The following AACS variants were observed in gnomAD, a reference collection of about 807,000 sequenced individuals.
AACS encodes acetoacetyl-CoA synthetase.
In AACS, 69 loss-of-function variants were observed where a neutral mutation model predicts 83.1. That is an observed-to-expected ratio of 0.83 (90% CI 0.68 to 1.01). The LOEUF (loss-of-function observed/expected upper bound fraction) is 1.01. AACS is among the 50% of genes least tolerant of loss of function. AACS has a pLI of 0.00. For synonymous variants in AACS, 333 were observed against 343.4 expected (o/e 0.97, Z 0.33); for missense variants, 866 against 882.2 (o/e 0.98, Z 0.23).
chr12:125,066,520 G>C (rs1007093800), intron 1 of AACS, among the ~76,000 whole-genome samples: 4 of 149,480 alleles, frequency 2.7e-5, no homozygotes, highest in African/African-American at 9.9e-5. Context: ...CGAGATCTCG[G>C]CACACTGCAA....
At chr12:125,071,844 CT>C (rs968179429) in intron 1 of AACS, among the ~76,000 whole-genome samples, 6 of 151,850 alleles carry the variant, frequency 4.0e-5, no homozygotes, top group African/African-American at 1.5e-4. Context: ...GGCGAATGCA[CT>C]TTTGTGATAC....
At chr12:125,121,003 G>C (rs1258088280) in intron 10 of AACS, 1 of 152,336 alleles carries the variant, frequency 6.6e-6, no homozygotes, top group African/African-American at 2.4e-5. Flanking sequence ...GCATGTACCT[G>C]TGTACACGCG....
intron 10 of AACS, among the ~76,000 whole-genome samples, chr12:125,119,491 C>T (rs1957116839): frequency 6.6e-6 from 1 of 152,192 alleles, no homozygotes; most frequent in Non-Finnish European, 1.5e-5. Flanking sequence ...CAGAGTTTCA[C>T]ATGACTGGGG....
intron 9 of AACS, among the ~76,000 whole-genome samples, chr12:125,115,849 G>T (rs887282721): frequency 6.6e-6 from 1 of 152,030 alleles, no homozygotes; most frequent in Non-Finnish European, 1.5e-5. Context: ...AGACCCCTGG[G>T]ATTACACAGA....
At chr12:125,085,111 G>A (rs574547373) in intron 3 of AACS, among the ~76,000 whole-genome samples, 3 of 152,220 alleles carry the variant, frequency 2.0e-5, no homozygotes, top group African/African-American at 4.8e-5. Flanking sequence ...GACTATAAAG[G>A]GGCAACAGGA....
chr12:125,129,341 C>A lies in AACS; in HGVS notation c.1430C>A (p.Ala477Glu), dbSNP rs757502578. ...AVEAWNEEGK[A>E]VWGESGELVC... ...TTTAATTCTCCCATACCAGGAAAGG[C>A]GGTCTGGGGAGAGAGCGGCGAGCTG... The change falls in exon 14 of 18, where the codon GCG becomes GAG. Residue 477 changes from alanine to glutamate, a missense_variant. Ala to Glu is a moderately radical substitution (Grantham distance 107, BLOSUM62 -1). Coordinates refer to ENST00000316519, the MANE Select transcript of AACS (RefSeq NM_023928.5). This position sits in a 1 kb window ranked among gnomAD's most constrained non-coding sequence, Gnocchi z 4.3. 1 of 1,611,676 alleles carries A rather than the reference C, an allele frequency of 6.2e-7. No homozygotes were observed. Among genetic ancestry groups the A allele is most frequent in the Admixed American group, 1.7e-5 (1 of 59,562 alleles).
At chr12:125,136,904 G>A (rs780430970) in intron 17 of AACS, 40 bp downstream of exon 17, 18 of 1,597,140 alleles carry the variant, frequency 1.1e-5, no homozygotes, top group Admixed American at 1.0e-4. Context: ...CGCAGCCATC[G>A]CCCCACGAGC....
intron 1 of AACS, among the ~76,000 whole-genome samples, chr12:125,073,476 T>C (rs922630361): frequency 2.6e-5 from 4 of 152,202 alleles, no homozygotes; most frequent in African/African-American, 9.6e-5. Flanking sequence ...ACTTTCTACA[T>C]GTGCTCATTT....
intron 3 of AACS, among the ~76,000 whole-genome samples, chr12:125,084,885 G>A (rs1039040398): frequency 3.3e-5 from 5 of 152,008 alleles, no homozygotes; most frequent in Non-Finnish European, 7.4e-5. Context: ...CCTAGCCTTA[G>A]TTTTAACATT....
intron 9 of AACS, among the ~76,000 whole-genome samples, chr12:125,114,960 G>A (rs913527452): frequency 2.6e-5 from 4 of 152,044 alleles, no homozygotes; most frequent in Non-Finnish European, 4.4e-5. Flanking sequence ...GTGCTGCGCC[G>A]TGGTAGGGGC....
Position 125,139,456 on chromosome 12 carries a change from A to G in AACS, c.1881+2592A>G, listed in dbSNP as rs75275871. The G allele has an allele frequency of 8.3e-3, 1,264 of 152,476 alleles. 21 individuals carry two copies. The highest frequency in any genetic ancestry group is 0.029 in the African/African-American group (1,190 of 41,582). 9.4% of individuals were successfully genotyped at this position (152,476 alleles called of 1,614,324 possible). On this transcript the variant is annotated intron_variant, in intron 17 of 17. Coordinates refer to ENST00000316519, the MANE Select transcript of AACS (RefSeq NM_023928.5). The stretch of plus-strand genomic sequence containing the variant: ...CCTGAGGCATGACTTTGGGCAACGC[A>G]GCATCCAAGCCTCAGTTTCCCCATC...
At chr12:125,085,989 C>A (rs531353185) in intron 3 of AACS, among the ~76,000 whole-genome samples, 4 of 152,068 alleles carry the variant, frequency 2.6e-5, no homozygotes, top group Non-Finnish European at 5.9e-5. Flanking sequence ...GGAGGTCTCA[C>A]TCTGTTGTCA....
At chr12:125,080,171 C>G (rs144150938) in intron 3 of AACS, among the ~76,000 whole-genome samples, 2 of 152,156 alleles carry the variant, frequency 1.3e-5, no homozygotes, top group African/African-American at 4.8e-5. Context: ...CCAACCCAGT[C>G]GCCTCTTTCG....
chr12:125,133,434 G>A (rs112756628), intron 14 of AACS, among the ~76,000 whole-genome samples: 5 of 152,124 alleles, frequency 3.3e-5, no homozygotes, highest in Admixed American at 3.3e-4. Flanking sequence ...GTCATCCCTG[G>A]CTCTTTCCTC....
At position 125,097,296 on chromosome 12, in the gene AACS, G is replaced by T. The variant is rs941443083; in HGVS notation, c.571-5383G>T. Among the ~76,000 whole-genome samples, 1 of 152,114 alleles carries T rather than the reference G, an allele frequency of 6.6e-6. No individual in the cohort carries two copies. Among genetic ancestry groups the T allele is most frequent in the Non-Finnish European group, 1.5e-5 (1 of 68,008 alleles). ...CGTCACTGAGGAAGGGGTACCGGGGGTACCCTTGAAATGGAGGAGGGAGGA... is the reference window on the plus strand; with the variant it reads ...CGTCACTGAGGAAGGGGTACCGGGGTTACCCTTGAAATGGAGGAGGGAGGA... On this transcript the variant is annotated intron_variant, in intron 5 of 17. Coordinates refer to ENST00000316519, the MANE Select transcript of AACS (RefSeq NM_023928.5). This position sits in a 1 kb window ranked among gnomAD's most constrained non-coding sequence, Gnocchi z 4.3.
chr12:125,072,182 C>G (rs1172359124), intron 1 of AACS, among the ~76,000 whole-genome samples: 23 of 140,330 alleles, frequency 1.6e-4, no homozygotes, highest in Admixed American at 5.1e-4. Context: ...TAAATGGGGT[C>G]TCACTCTGTC....
chr12:125,119,186 A>T (rs1408873139), intron 10 of AACS, among the ~76,000 whole-genome samples: 6 of 152,204 alleles, frequency 3.9e-5, no homozygotes, highest in Non-Finnish European at 8.8e-5. Context: ...CTCCTCACAC[A>T]GTTACCTGTT....
intron 11 of AACS, 48 bp from the exon 12 acceptor site, chr12:125,124,854 T>C: frequency 6.2e-7 from 1 of 1,614,040 alleles, no homozygotes; most frequent in South Asian, 1.1e-5. Flanking sequence ...CGAGTGAGGC[T>C]TCAGGCACTG....
chr12:125,111,151 G>T (rs978202363), intron 8 of AACS, among the ~76,000 whole-genome samples: 2 of 152,256 alleles, frequency 1.3e-5, no homozygotes, highest in East Asian at 1.9e-4. Context: ...CGCTCAAATC[G>T]TCTGATTTTA....
Sources: allele counts gnomAD v4.1 joint callset (sites outside exome capture counted in the v4.1 genomes callset), GRCh38; gene constraint gnomAD v4.1.1; non-coding constraint Gnocchi (gnomAD v3.1); transcripts MANE v1.5; gene names NCBI Gene and HGNC (gene_info 2026-07-23, HGNC 2026-07-21).